Variants in AGBL2 observed in about 807,000 individuals in gnomAD.
The protein encoded by AGBL2 is AGBL carboxypeptidase 2, also known as cytosolic carboxypeptidase 2.
In AGBL2, 87 loss-of-function variants were observed where a neutral mutation model predicts 103.0. The ratio of observed to expected loss-of-function variants is 0.84; its 90% CI spans 0.71 to 1.01. The LOEUF (loss-of-function observed/expected upper bound fraction) is 1.01, where lower values mean the gene tolerates loss of function less well. Ranked by LOEUF, AGBL2 falls within the 50% of genes least tolerant of loss-of-function variation. AGBL2 has a pLI of 0.00. For missense variants in AGBL2, 904 were observed against 1,023.5 expected (o/e 0.88, Z 1.59); for synonymous variants, 335 against 356.7 (o/e 0.94, Z 0.69).
intron 7 of AGBL2, among the ~76,000 whole-genome samples, chr11:47,703,941 C>CAA (rs368298009): frequency 1.9e-4 from 22 of 115,546 alleles, no homozygotes; most frequent in Admixed American, 1.0e-3. Flanking sequence ...AAAAAAAAAA[C>CAA]AAAAAAAAAA....
intron 13 of AGBL2, among the ~76,000 whole-genome samples, chr11:47,679,340 G>GCAA (rs2097392176): frequency 6.6e-6 from 1 of 151,678 alleles, no homozygotes; most frequent in African/African-American, 2.4e-5. Context: ...GCAATGAGCC[G>GCAA]TGATCACCCC....
intron 13 of AGBL2, 37 bp from the exon 14 acceptor site, chr11:47,677,438 AT>A: frequency 7.8e-7 from 1 of 1,277,632 alleles, no homozygotes; most frequent in Non-Finnish European, 1.0e-6. Context: ...TTGTTAATTC[AT>A]TTTATTTTAT....
chr11:47,711,031 A>C (rs543873903), intron 3 of AGBL2: 1 of 346,642 alleles, frequency 2.9e-6, no homozygotes. Context: ...TTACCCATGT[A>C]ACAAACCTGC....
At chr11:47,694,991 A>G (rs1402515067) in intron 8 of AGBL2, among the ~76,000 whole-genome samples, 1 of 151,682 alleles carries the variant, frequency 6.6e-6, no homozygotes, top group Non-Finnish European at 1.5e-5. Context: ...TCTACCAAAA[A>G]GATAAAAAAT....
chr11:47,709,665 G>A (rs1000217006), intron 4 of AGBL2, among the ~76,000 whole-genome samples: 8 of 150,448 alleles, frequency 5.3e-5, no homozygotes, highest in Non-Finnish European at 1.0e-4. Flanking sequence ...TCAGCTCACC[G>A]CAACTTCCGC....
In AGBL2 at chr11:47,714,608, G is replaced by A; in HGVS notation, c.33+10C>T. ...AGAAATTTCTGTGGCTTTCCGTGTT[G>A]TGTACCGACCTGCTTTAGGTGCGTT... On this transcript the variant is annotated intron_variant, in intron 2 of 18. Coordinates refer to ENST00000525123, the MANE Select transcript of AGBL2 (RefSeq NM_024783.4). 6.2e-7 allele frequency: 1 copy of A among 1,613,574 alleles called. No individual in the cohort carries two copies. The highest frequency in any genetic ancestry group is 8.5e-7 in the Non-Finnish European group (1 of 1,179,862).
chr11:47,691,099 C>CCA, intron 9 of AGBL2, among the ~76,000 whole-genome samples: 1 of 138,462 alleles, frequency 7.2e-6, no homozygotes, highest in Middle Eastern at 3.7e-3. Context: ...ACTAAATATA[C>CCA]AAAAAAAAAA....
chr11:47,675,588 A>G (rs2097372291), intron 14 of AGBL2, among the ~76,000 whole-genome samples: 1 of 151,408 alleles, frequency 6.6e-6, no homozygotes, highest in Non-Finnish European at 1.5e-5. Context: ...GGGGTTTCAT[A>G]ATGTTGGCCA....
At chr11:47,714,438 A>G (rs2097544355) in intron 2 of AGBL2, 91 bp from the exon 3 acceptor site, 1 of 1,371,680 alleles carries the variant, frequency 7.3e-7, no homozygotes, top group Non-Finnish European at 1.0e-6. Flanking sequence ...GCATAGGACT[A>G]GACTAAACCA....
At position 47,695,145 on chromosome 11, in the gene AGBL2, G is replaced by A. The variant is rs775589166; in HGVS notation, c.695-2889C>T. Among the ~76,000 whole-genome samples the A allele has an allele frequency of 1.2e-3, 186 of 150,480 alleles. 1 individual carries two copies. The highest frequency in any genetic ancestry group is 5.3e-4 in the Admixed American group (8 of 15,006). Reference sequence around the variant, plus strand: ...AGACTGGGCAACAGACCGAGACTCCGTCTCAAAAAACAAACAAACAAAACA... The same window carrying A: ...AGACTGGGCAACAGACCGAGACTCCATCTCAAAAAACAAACAAACAAAACA... On this transcript the variant is annotated intron_variant, in intron 8 of 18. Coordinates refer to ENST00000525123, the MANE Select transcript of AGBL2 (RefSeq NM_024783.4).
intron 8 of AGBL2, among the ~76,000 whole-genome samples, chr11:47,696,773 C>G (rs2097475854): frequency 6.6e-6 from 1 of 151,770 alleles, no homozygotes; most frequent in Admixed American, 6.6e-5. Flanking sequence ...CTTATGTTAC[C>G]TTTTTCATTT....
intron 9 of AGBL2, among the ~76,000 whole-genome samples, chr11:47,691,196 G>A (rs893784830): frequency 2.6e-5 from 4 of 151,896 alleles, no homozygotes; most frequent in Non-Finnish European, 4.4e-5. Flanking sequence ...CCCACGAGGT[G>A]TAGGTTGCAG....
intron 8 of AGBL2, among the ~76,000 whole-genome samples, chr11:47,695,491 A>C (rs1357875085): frequency 4.9e-5 from 7 of 142,854 alleles, no homozygotes; most frequent in Non-Finnish European, 1.1e-4. Context: ...AAAAAAAAAA[A>C]AAAACAGTTG....
At chr11:47,713,340 A>T (rs946568900) in intron 3 of AGBL2, among the ~76,000 whole-genome samples, 1 of 133,740 alleles carries the variant, frequency 7.5e-6, no homozygotes, top group Non-Finnish European at 1.6e-5. Context: ...GTGAGACTCT[A>T]TCGCAAAAAA....
In AGBL2 at chr11:47,660,036, G is replaced by A. The variant is rs1477669556; in HGVS notation, c.*137C>T. On this transcript the variant is annotated 3_prime_UTR_variant, in exon 19 of 19. Transcript: ENST00000525123. ...CATGCCCACAGTGTAAGTACAAAGT[G>A]TAAGGTCAGTGCATGAGTGCACAAC... 2.3e-6 allele frequency: 2 copies of A among 854,550 alleles called. No individual in the cohort carries two copies. The highest frequency in any genetic ancestry group is 3.5e-5 in the African/African-American group (2 of 57,920). 52.9% of individuals were successfully genotyped at this position (854,550 alleles called of 1,614,324 possible). A position where few individuals can be genotyped will look rare whatever the true frequency, so the allele number is the denominator to read the frequency against.
chr11:47,673,429 C>A lies in AGBL2; in HGVS notation c.2147+3842G>T, dbSNP rs548549380. On this transcript the variant is annotated intron_variant, in intron 14 of 18. Transcript: ENST00000525123. The stretch of plus-strand genomic sequence containing the variant: ...TCACCTGAGGTCGGGAGTTCGAGAC[C>A]AGCCTGACCAATATGAGTAAACCCC... Among the ~76,000 whole-genome samples, 202 of 151,982 alleles carry A rather than the reference C, an allele frequency of 1.3e-3. 4 individuals are homozygous for A. The highest frequency in any genetic ancestry group is 8.1e-4 in the Non-Finnish European group (55 of 67,964).
intron 11 of AGBL2, among the ~76,000 whole-genome samples, chr11:47,684,698 G>T (rs2097417089): frequency 6.6e-6 from 1 of 152,076 alleles, no homozygotes; most frequent in Non-Finnish European, 1.5e-5. Flanking sequence ...CACCAATGAA[G>T]ATTACCTGTA....
chr11:47,688,789 G>A (rs2097433978), intron 10 of AGBL2, among the ~76,000 whole-genome samples: 2 of 152,266 alleles, frequency 1.3e-5, no homozygotes, highest in South Asian at 4.1e-4. Context: ...AGCTATGCCT[G>A]CCATGGTGCC....
Position 47,688,837 on chromosome 11 carries a change from G to C in AGBL2, c.1631+1239C>G, listed in dbSNP as rs150290128. On this transcript the variant is annotated intron_variant, in intron 10 of 18. Transcript: ENST00000525123. ...TGCAACCTCTGCCTCCCAGGTTCAA[G>C]TGATTCTCCTGACTCGGCCTCCTGA... 1.8e-4 allele frequency among the ~76,000 whole-genome samples: 27 copies of C among 152,248 alleles called. No homozygotes were observed. In the East Asian group the frequency reaches 3.5e-3, roughly 20 times the overall value.
Sources: gnomAD v4.1 joint callset for allele counts (sites outside exome capture counted in the v4.1 genomes callset) on GRCh38, gnomAD v4.1.1 for gene constraint, MANE v1.5 for transcripts, NCBI Gene and HGNC (gene_info 2026-07-23, HGNC 2026-07-21) for gene names.